Variants in ANKS1A observed in about 807,000 individuals in gnomAD.
ANKS1A encodes the protein ankyrin repeat and sterile alpha motif domain containing 1A.
A neutral mutation model predicts 120.3 loss-of-function variants in ANKS1A; 55 were observed. The ratio of observed to expected loss-of-function variants is 0.46; its 90% confidence interval spans 0.37 to 0.57. The LOEUF is 0.57. ANKS1A is among the 20% of genes least tolerant of loss of function. The probability of loss-of-function intolerance (pLI) is 0.00; values close to 1 mark genes in which losing one functional copy is unlikely to be tolerated. For synonymous variants in ANKS1A, 590 were observed against 604.7 expected (o/e 0.98, Z 0.36); for missense variants, 1,123 against 1,480.3 (o/e 0.76, Z 3.96).
intron 13 of ANKS1A, among the ~76,000 whole-genome samples, chr6:35,072,113 A>T (rs1157405309): frequency 6.6e-6 from 1 of 152,252 alleles, no homozygotes; most frequent in Non-Finnish European, 1.5e-5. Flanking sequence ...CAAGATGCAA[A>T]AGGATATTTT....
At chr6:34,973,948 C>G (rs558025424) in intron 3 of ANKS1A, among the ~76,000 whole-genome samples, 5 of 65,656 alleles carry the variant, frequency 7.6e-5, no homozygotes, top group African/African-American at 1.1e-4. Context: ...CCTTCCCCTT[C>G]CCTTCCCCTT....
At chr6:35,038,147 A>T in intron 11 of ANKS1A, 1 of 456,016 alleles carries the variant, frequency 2.2e-6, no homozygotes, top group East Asian at 7.0e-5. Context: ...TCTAACTCCA[A>T]CCCGCACCCC....
Position 35,088,681 on chromosome 6 carries a change from A to G in ANKS1A, c.*72A>G. On this transcript the variant is annotated 3_prime_UTR_variant, in exon 24 of 24. Coordinates refer to ENST00000360359, the MANE Select transcript of ANKS1A (RefSeq NM_015245.3). ...ATAGGCTCCCACTGCCACCACCGCC[A>G]TCGCCTCACCTGCAGCTCTGAAGAC... 1 of 1,613,482 alleles carries G rather than the reference A, an allele frequency of 6.2e-7. No individual in the cohort carries two copies. The highest frequency in any genetic ancestry group is 1.1e-5 in the South Asian group (1 of 91,052).
chr6:34,956,328 CTT>C (rs1442233491), intron 1 of ANKS1A, among the ~76,000 whole-genome samples: 2 of 151,390 alleles, frequency 1.3e-5, no homozygotes, highest in Admixed American at 6.6e-5. Context: ...TGTCTCATAT[CTT>C]TGAGTCATTT....
rs778809983 is a variant in ANKS1A, at chr6:35,082,780, G to A, written c.2799G>A (p.Glu933=). The A allele has an allele frequency of 4.3e-6, 7 of 1,613,918 alleles. No individual in the cohort carries two copies. The highest frequency in any genetic ancestry group is 5.1e-6 in the Non-Finnish European group (6 of 1,179,966). Residue 933 remains glutamate (E), a synonymous_variant, in exon 18 of 24, where the codon GAG becomes GAA. Transcript: ENST00000360359. This position sits in a 1 kb window ranked among gnomAD's most constrained non-coding sequence, Gnocchi z 4.1. Reference sequence around the variant, plus strand: ...TGCAGAGTTGGCAACACCAGCCAGAGAAACTCATCTTCGAGTCCTGTGGTT... The same window carrying A: ...TGCAGAGTTGGCAACACCAGCCAGAAAAACTCATCTTCGAGTCCTGTGGTT... ...APVQSWQHQP[E]KLIFESCGYE...
intron 13 of ANKS1A, chr6:35,070,845 TGC>T: frequency 1.1e-5 from 6 of 552,932 alleles, no homozygotes; most frequent in East Asian, 8.8e-5. Context: ...TGTGTGTGTG[TGC>T]GCGCCAAAGA....
intron 1 of ANKS1A, among the ~76,000 whole-genome samples, chr6:34,930,384 G>T (rs1221564526): frequency 6.6e-6 from 1 of 152,220 alleles, no homozygotes; most frequent in Non-Finnish European, 1.5e-5. Flanking sequence ...AAGGTGAACG[G>T]ATTGTCTATG....
In ANKS1A at chr6:34,985,113, T is replaced by G. The variant is rs943530679; in HGVS notation, c.1044T>G (p.Ile348Met). 6.2e-7 allele frequency: 1 copy of G among 1,614,086 alleles called. No homozygotes were observed. Among genetic ancestry groups the G allele is most frequent in the Non-Finnish European group, 8.5e-7 (1 of 1,179,994 alleles). The stretch of plus-strand genomic sequence containing the variant: ...TGGAGAAAGCAGTGACTGAACTGAT[T>G]ATAGATTTTGATGCAAATGCTGAAG... ...GDVEKAVTEL[I>M]IDFDANAEEE... Residue 348 changes from isoleucine to methionine, a missense_variant, in exon 8 of 24, where the codon ATT (isoleucine) becomes ATG (methionine). Physicochemically the swap from Ile to Met is conservative, Grantham distance 10. Around this residue, in one of 3 missense-constraint regions of ANKS1A, gnomAD observed 904 missense variants for 1,130.4 expected, o/e 0.80. Coordinates refer to ENST00000360359, the MANE Select transcript of ANKS1A (RefSeq NM_015245.3).
downstream of ANKS1A, among the ~76,000 whole-genome samples, chr6:35,095,141 CAAA>C (rs34813964): frequency 2.0e-4 from 16 of 81,218 alleles, no homozygotes; most frequent in African/African-American, 5.7e-4. Flanking sequence ...ACCCCCATCT[CAAA>C]AAAAAAAAAA....
In ANKS1A at chr6:35,086,358, C is replaced by T; in HGVS notation, c.3303+422C>T. The T allele has an allele frequency of 3.9e-6, 5 of 1,297,218 alleles. No individual in the cohort carries two copies. The highest frequency in any genetic ancestry group is 1.5e-5 in the African/African-American group (1 of 66,262). The allele number at this position is 1,297,218 out of a possible 1,614,324, so 80.4% of individuals were successfully genotyped here. A position where few individuals can be genotyped will look rare whatever the true frequency, so the allele number is the denominator to read the frequency against. ...TACCTACCGCTGCCATCTGTTAGTCCTGGAGTCAAGGTCTTTACGCCTCCT... is the reference window on the plus strand; with the variant it reads ...TACCTACCGCTGCCATCTGTTAGTCTTGGAGTCAAGGTCTTTACGCCTCCT... On this transcript the variant is annotated intron_variant, in intron 22 of 23. Transcript: ENST00000360359. This position sits in a 1 kb window ranked among gnomAD's most constrained non-coding sequence, Gnocchi z 5.1.
In ANKS1A at chr6:34,983,153, C is replaced by T; in HGVS notation, c.849C>T (p.Ala283=). ...TAAAAGATAACCATGGACTGACTGC[C>T]CTAGACACTGTTCGGGAACTGCCTT... ...VNIKDNHGLT[A]LDTVRELPSQ... Residue 283 remains alanine, a synonymous_variant, in exon 6 of 24, where the codon GCC becomes GCT. Coordinates refer to ENST00000360359, the MANE Select transcript of ANKS1A (RefSeq NM_015245.3). 6.2e-7 allele frequency: 1 copy of T among 1,614,128 alleles called. No homozygotes were observed. Among genetic ancestry groups the T allele is most frequent in the Non-Finnish European group, 8.5e-7 (1 of 1,180,022 alleles).
At chr6:34,959,045 C>T (rs1770507453) in intron 1 of ANKS1A, among the ~76,000 whole-genome samples, 1 of 152,154 alleles carries the variant, frequency 6.6e-6, no homozygotes, top group South Asian at 2.1e-4. Flanking sequence ...CATTACTTGT[C>T]TGTGTAAAGT....
Position 34,989,300 on chromosome 6 carries a change from C to A in ANKS1A, c.1286C>A (p.Pro429His). The change falls in exon 9 of 24, where the codon CCC becomes CAC. Residue 429 changes from proline (P) to histidine (H), a missense_variant. Around this residue, in one of 3 missense-constraint regions of ANKS1A, gnomAD observed 904 missense variants for 1,130.4 expected, o/e 0.80. Transcript: ENST00000360359. ...EEDHIDKKYF[P>H]LTASEVLSMR... ...GACCACATAGATAAGAAGTATTTTC[C>A]CTTGACAGCTTCTGAGGTAGAGGGT... 1 of 1,613,816 alleles carries A rather than the reference C, an allele frequency of 6.2e-7. No individual in the cohort carries two copies. The highest frequency in any genetic ancestry group is 1.7e-4 in the Middle Eastern group (1 of 6,060).
At chr6:34,943,250 C>T (rs140098963) in intron 1 of ANKS1A, among the ~76,000 whole-genome samples, 35 of 152,278 alleles carry the variant, frequency 2.3e-4, no homozygotes, top group Non-Finnish European at 4.7e-4. Context: ...CCACTGCATC[C>T]GGCCTACAGC....
chr6:34,931,913 A>T (rs1369587349), intron 1 of ANKS1A, among the ~76,000 whole-genome samples: 1 of 152,242 alleles, frequency 6.6e-6, no homozygotes, highest in Non-Finnish European at 1.5e-5. Flanking sequence ...TATTCCTTTC[A>T]GTATTCAGAA....
intron 3 of ANKS1A, among the ~76,000 whole-genome samples, chr6:34,980,311 A>G (rs1355271947): frequency 4.6e-5 from 7 of 152,338 alleles, no homozygotes; most frequent in Non-Finnish European, 7.4e-5. Context: ...TTATCTTTGC[A>G]TGTGTCCTGC....
chr6:35,079,971 G>A lies in ANKS1A; in HGVS notation c.2544+43G>A, dbSNP rs139896847. On this transcript the variant is annotated intron_variant, in intron 16 of 23. Coordinates refer to ENST00000360359, the MANE Select transcript of ANKS1A (RefSeq NM_015245.3). ...AGAAAGGAATGTATGTTTGTTCCCTGTATTTGCAGGAATTACATAGAATTC... is the reference window on the plus strand; with the variant it reads ...AGAAAGGAATGTATGTTTGTTCCCTATATTTGCAGGAATTACATAGAATTC... The A allele has an allele frequency of 1.4e-3, 2,131 of 1,539,758 alleles. 16 individuals are homozygous for A. Among genetic ancestry groups the A allele is most frequent in the South Asian group, 0.012 (1,006 of 83,806 alleles).
chr6:35,013,948 G>A (rs1712593087), intron 10 of ANKS1A, among the ~76,000 whole-genome samples: 1 of 152,202 alleles, frequency 6.6e-6, no homozygotes, highest in South Asian at 2.1e-4. Context: ...AACATCTATT[G>A]AGAGCGTGGC....
intron 13 of ANKS1A, among the ~76,000 whole-genome samples, chr6:35,064,114 C>T (rs820081): frequency 0.42 from 63,607 of 151,982 alleles, 13,814 homozygotes; most frequent in East Asian, 0.62. Flanking sequence ...TCGAAAGCCA[C>T]GTGTGGGAGA....
Sources: gnomAD v4.1 joint callset for allele counts (sites outside exome capture counted in the v4.1 genomes callset) on GRCh38, gnomAD v4.1.1 for gene constraint, gnomAD v4.1.1 regional missense constraint, Gnocchi (gnomAD v3.1) non-coding constraint, MANE v1.5 for transcripts, NCBI Gene and HGNC (gene_info 2026-07-23, HGNC 2026-07-21) for gene names.